Variants in CP observed in about 807,000 individuals in gnomAD.
The protein encoded by CP is ceruloplasmin.
A neutral mutation model predicts 122.4 loss-of-function variants in CP; 64 were observed. The ratio of observed to expected loss-of-function variants is 0.52; its 90% CI spans 0.43 to 0.64. The LOEUF (loss-of-function observed/expected upper bound fraction) is 0.64, where lower values mean the gene tolerates loss of function less well. Ranked by LOEUF, CP falls within the 30% of genes least tolerant of loss-of-function variation. The probability of loss-of-function intolerance (pLI) is 0.00; values close to 1 mark genes in which losing one functional copy is unlikely to be tolerated. For synonymous variants in CP, 440 were observed against 436.4 expected, an observed-to-expected ratio of 1.01 and a Z score of -0.10; for missense variants, 1,167 against 1,284.4, an observed-to-expected ratio of 0.91 and a Z score of 1.40.
Position 149,172,508 on chromosome 3 carries a change from G to A in CP, c.*1206C>T, listed in dbSNP as rs1202517356. Reference sequence around the variant, plus strand: ...TCAAAGAAGCCATACATTTTTTAAGGTGGGGATTGACTTTTATTCCAAGGA... The same window carrying A: ...TCAAAGAAGCCATACATTTTTTAAGATGGGGATTGACTTTTATTCCAAGGA... On this transcript the variant is annotated 3_prime_UTR_variant, in exon 19 of 19. Coordinates refer to ENST00000264613, the MANE Select transcript of CP (RefSeq NM_000096.4). 3.4e-6 allele frequency: 1 copy of A among 296,184 alleles called. No individual in the cohort carries two copies. The highest frequency in any genetic ancestry group is 2.2e-5 in the African/African-American group (1 of 45,826). The allele number at this position is 296,184 out of a possible 1,614,324, so 18.3% of individuals were successfully genotyped here. A position where few individuals can be genotyped will look rare whatever the true frequency, so the allele number is the denominator to read the frequency against.
intron 7 of CP, among the ~76,000 whole-genome samples, chr3:149,200,292 A>G (rs1345112205): frequency 6.6e-6 from 1 of 152,178 alleles, no homozygotes; most frequent in Non-Finnish European, 1.5e-5. Context: ...TGGATTTTCC[A>G]TGACCAAAAT....
chr3:149,174,323 G>GC (rs1177924315), intron 18 of CP, among the ~76,000 whole-genome samples: 3 of 152,136 alleles, frequency 2.0e-5, no homozygotes, highest in African/African-American at 7.2e-5. Flanking sequence ...AATCATTGTT[G>GC]CTTTTCTAAT....
Position 149,181,996 on chromosome 3 carries a change from CGTGAGTACCT to C in CP, c.2553_2554+8del, listed in dbSNP as rs767180254. The C allele has an allele frequency of 8.0e-7, 1 of 1,245,162 alleles. No individual in the cohort carries two copies. The highest frequency in any genetic ancestry group is 1.2e-5 in the South Asian group (1 of 83,528). The allele number at this position is 1,245,162 out of a possible 1,614,324, so 77.1% of individuals were successfully genotyped here. ...AATGCACCACCCCCACCCCCGCCCC[CGTGAGTACCT>C]GGTAATGTTGGAGTAACTGTAGAAC... On this transcript the variant is annotated splice_donor_variant and splice_donor_5th_base_variant and coding_sequence_variant and intron_variant, in exon 14 of 19. Transcript: ENST00000264613. LOFTEE classifies it high-confidence loss of function.
intron 12 of CP, among the ~76,000 whole-genome samples, chr3:149,184,096 C>T (rs1487877683): frequency 8.8e-6 from 1 of 114,272 alleles, no homozygotes; most frequent in Non-Finnish European, 1.6e-5. Context: ...AGTGCAGTGG[C>T]GTGATCTCCG....
At chr3:149,207,313 A>C (rs756069787) in intron 5 of CP, 50 bp downstream of exon 5, 1 of 1,612,670 alleles carries the variant, frequency 6.2e-7, no homozygotes, top group Non-Finnish European at 8.5e-7. Context: ...TCTGATTCCC[A>C]GTAACCACCT....
intron 8 of CP, among the ~76,000 whole-genome samples, chr3:149,198,784 T>C (rs1727089488): frequency 6.6e-6 from 1 of 152,154 alleles, no homozygotes; most frequent in Non-Finnish European, 1.5e-5. Context: ...CTCCTGGGAG[T>C]GGTGCCCCTC....
At chr3:149,168,283 A>G (rs1724629279), downstream of CP, 12 of 328,862 alleles carry the variant, frequency 3.6e-5, no homozygotes, top group South Asian at 4.0e-4. Context: ...AGGCAATTAC[A>G]TCTTTTATCA....
chr3:149,189,008 G>A (rs1378176833), intron 9 of CP, among the ~76,000 whole-genome samples: 1 of 152,080 alleles, frequency 6.6e-6, no homozygotes, highest in Non-Finnish European at 1.5e-5. Context: ...ATGATGAAGG[G>A]GATCTAAAGA....
chr3:149,178,015 G>T, intron 16 of CP, 36 bp from the exon 17 acceptor site: 1 of 1,593,698 alleles, frequency 6.3e-7, no homozygotes, highest in Non-Finnish European at 8.6e-7. Flanking sequence ...TACTTTTCAG[G>T]ATATTTTAAA....
At chr3:149,217,339 A>G (rs1728530302) in intron 1 of CP, among the ~76,000 whole-genome samples, 1 of 152,194 alleles carries the variant, frequency 6.6e-6, no homozygotes, top group African/African-American at 2.4e-5. Context: ...GATGCTATAT[A>G]ACTTGGGAGG....
At chr3:149,206,377 C>A (rs751235202) in intron 5 of CP, 38 bp from the exon 6 acceptor site, 1 of 1,611,112 alleles carries the variant, frequency 6.2e-7, no homozygotes, top group Admixed American at 1.7e-5. Context: ...TTAATGAAGA[C>A]AATGTTTCTC....
At chr3:149,172,350 A>T (rs73019023), downstream of CP, 2 of 697,782 alleles carry the variant, frequency 2.9e-6, no homozygotes, top group Non-Finnish European at 5.0e-6. Flanking sequence ...ACACACACAC[A>T]CACACATATA....
chr3:149,202,130 G>A lies in CP; in HGVS notation c.1320C>T (p.Gly440=), dbSNP rs1032076272. ...GGATGCCAAGATGCTCTTCTTCAGG[G>A]CCTCTCTCCTTTCGATTTGTGAAGG... is the stretch of plus-strand genomic sequence containing the variant. The part of the protein sequence containing the change: ...DASFTNRKER[G]PEEEHLGILG... Residue 440 remains glycine, a synonymous_variant, in exon 7 of 19, where the codon GGC becomes GGT. Transcript: ENST00000264613. 15 of 1,614,092 alleles carry A rather than the reference G, an allele frequency of 9.3e-6. 1 individual carries two copies. The highest frequency in any genetic ancestry group is 3.3e-5 in the Admixed American group (2 of 60,022).
rs1728199246 is a variant in CP, at chr3:149,212,711, A to G, written c.147-13T>C. 2 of 1,612,830 alleles carry G rather than the reference A, an allele frequency of 1.2e-6. No homozygotes were observed. Among genetic ancestry groups the G allele is most frequent in the South Asian group, 1.1e-5 (1 of 90,888 alleles). The stretch of plus-strand genomic sequence containing the variant: ...ATTGGAATGTTCCCTGCAAAGAAAA[A>G]CAAGACAACTCTATCAGAAGCCATC... On this transcript the variant is annotated splice_polypyrimidine_tract_variant and intron_variant, in intron 1 of 18. Transcript: ENST00000264613.
chr3:149,209,140 G>T (rs1727937923), intron 4 of CP, 71 bp downstream of exon 4: 2 of 1,578,334 alleles, frequency 1.3e-6, no homozygotes, highest in African/African-American at 1.3e-5. Context: ...TTTATGTGAG[G>T]GAATAAGCTT....
chr3:149,218,418 A>G (rs765939084), intron 1 of CP, among the ~76,000 whole-genome samples: 1 of 152,226 alleles, frequency 6.6e-6, no homozygotes, highest in Non-Finnish European at 1.5e-5. Context: ...AGTACTGAGT[A>G]TAAGGAAATT....
chr3:149,179,191 C>T (rs1047856647), intron 15 of CP, among the ~76,000 whole-genome samples: 2 of 152,126 alleles, frequency 1.3e-5, no homozygotes, highest in African/African-American at 4.8e-5. Flanking sequence ...CGTATTACAA[C>T]GGCCTCCCAA....
downstream of CP, among the ~76,000 whole-genome samples, chr3:149,170,012 C>T (rs1326677935): frequency 6.6e-6 from 1 of 152,122 alleles, no homozygotes; most frequent in Non-Finnish European, 1.5e-5. Flanking sequence ...CTTCTCTTAG[C>T]CTCAATTTTC....
rs1728817899 is a variant in CP, at chr3:149,221,675, C to T, written c.118G>A (p.Gly40Arg). The change falls in exon 1 of 19, where the codon GGG becomes AGG. Residue 40 changes from glycine to arginine, a missense_variant. This residue lies in a region of CP where 642 missense variants were observed against 627.3 expected (regional missense o/e 1.02). Coordinates refer to ENST00000264613, the MANE Select transcript of CP (RefSeq NM_000096.4). ...TCAACAGAAATAAGTTTCTTTTCCC[C>T]ATGGTCAGAGGCATAATCCCAAGTC... ...ETTWDYASDHGEKKLISVDTE... is the reference protein window; with the variant it reads ...ETTWDYASDHREKKLISVDTE... The T allele has an allele frequency of 1.2e-6, 2 of 1,612,456 alleles. No individual in the cohort carries two copies. The highest frequency in any genetic ancestry group is 1.7e-6 in the Non-Finnish European group (2 of 1,179,514).
Sources: gnomAD v4.1 joint callset for allele counts (sites outside exome capture counted in the v4.1 genomes callset) on GRCh38, gnomAD v4.1.1 for gene constraint, gnomAD v4.1.1 regional missense constraint, MANE v1.5 for transcripts, NCBI Gene and HGNC (gene_info 2026-07-23, HGNC 2026-07-21) for gene names.